Variants in CELF2 observed in about 807,000 individuals in gnomAD.
The protein encoded by CELF2 is CUG triplet repeat RNA-binding protein 2.
A neutral mutation model predicts 62.6 loss-of-function variants in CELF2; 8 were observed. That is an observed-to-expected ratio of 0.13 (90% confidence interval 0.07 to 0.23). CELF2 has a LOEUF of 0.23. Ranked by LOEUF, CELF2 falls within the 10% of genes least tolerant of loss-of-function variation. The probability of loss-of-function intolerance (pLI) is 1.00; values close to 1 mark genes in which losing one functional copy is unlikely to be tolerated. For synonymous variants in CELF2, 258 were observed against 250.0 expected (o/e 1.03, Z -0.30); for missense variants, 333 against 671.0 (o/e 0.50, Z 5.56).
intron 1 of CELF2, chr10:11,105,637 T>C (rs969009149): frequency 1.3e-5 from 2 of 152,256 alleles, no homozygotes; most frequent in African/African-American, 4.8e-5. Flanking sequence ...TAATTCCTTC[T>C]CTGATTCCCC....
chr10:10,480,693 G>A, the CELF2 span, among the ~76,000 whole-genome samples: 2 of 152,110 alleles, frequency 1.3e-5, no homozygotes, highest in African/African-American at 4.8e-5. Flanking sequence ...ATTTGAAGAT[G>A]GGTATGTAAC....
chr10:11,313,216 C>A (rs1368563576), intron 9 of CELF2, among the ~76,000 whole-genome samples: 3 of 152,212 alleles, frequency 2.0e-5, no homozygotes, highest in Admixed American at 6.5e-5. Context: ...AGGTTTATTT[C>A]ACCAGAAGAT....
At chr10:11,234,766 C>T (rs1317384154) in intron 3 of CELF2, among the ~76,000 whole-genome samples, 7 of 151,736 alleles carry the variant, frequency 4.6e-5, no homozygotes, top group Non-Finnish European at 1.0e-4. Context: ...ATCCCCTCAT[C>T]CCCATCGCAA....
chr10:10,466,064 G>C, the CELF2 span, among the ~76,000 whole-genome samples: 1 of 152,002 alleles, frequency 6.6e-6, no homozygotes. Flanking sequence ...CTGAAACAAC[G>C]TTGCATAATC....
the CELF2 span, among the ~76,000 whole-genome samples, chr10:10,646,093 C>A: frequency 5.9e-5 from 9 of 152,182 alleles, no homozygotes; most frequent in African/African-American, 2.2e-4. Flanking sequence ...CTAATATGGG[C>A]AGATATTAGG....
chr10:11,222,777 T>A (rs2065257066), intron 3 of CELF2, among the ~76,000 whole-genome samples: 1 of 152,232 alleles, frequency 6.6e-6, no homozygotes, highest in African/African-American at 2.4e-5. Context: ...GCCTACAGTT[T>A]TATTTTCTAA....
At chr10:10,466,382 A>G in the CELF2 span, among the ~76,000 whole-genome samples, 1 of 152,136 alleles carries the variant, frequency 6.6e-6, no homozygotes, top group Non-Finnish European at 1.5e-5. Context: ...TGTTGCATAC[A>G]TCAGTAGATT....
intron 1 of CELF2, chr10:11,102,299 C>G (rs772997159): frequency 5.3e-5 from 8 of 152,168 alleles, no homozygotes; most frequent in Non-Finnish European, 1.0e-4. Flanking sequence ...TGTGCTAATT[C>G]TAAAGTAATC....
the CELF2 span, among the ~76,000 whole-genome samples, chr10:10,676,511 C>A: frequency 6.6e-6 from 1 of 152,200 alleles, no homozygotes; most frequent in African/African-American, 2.4e-5. Flanking sequence ...AGAGATTTTT[C>A]TCTTACATTC....
the CELF2 span, among the ~76,000 whole-genome samples, chr10:10,564,620 C>T: frequency 2.0e-5 from 3 of 149,060 alleles, no homozygotes; most frequent in Non-Finnish European, 3.0e-5. Context: ...CTTCTAAGAC[C>T]GGTATGTCTT....
the CELF2 span, among the ~76,000 whole-genome samples, chr10:10,597,985 T>C: frequency 6.6e-6 from 1 of 152,228 alleles, no homozygotes; most frequent in Non-Finnish European, 1.5e-5. Context: ...CTAAGGACAC[T>C]ACCTCTTTGT....
the CELF2 span, among the ~76,000 whole-genome samples, chr10:10,483,658 A>T: frequency 6.6e-6 from 1 of 152,134 alleles, no homozygotes; most frequent in Admixed American, 6.5e-5. Context: ...CAGCAGTCAG[A>T]TCTCTCTATG....
At chr10:11,282,345 G>A (rs2089235397) in intron 8 of CELF2, among the ~76,000 whole-genome samples, 1 of 152,206 alleles carries the variant, frequency 6.6e-6, no homozygotes, top group Non-Finnish European at 1.5e-5. Flanking sequence ...CAGGGAAGGG[G>A]CGGGGCTCTC....
intron 1 of CELF2, among the ~76,000 whole-genome samples, chr10:11,094,536 A>G (rs922838049): frequency 1.3e-5 from 2 of 152,246 alleles, no homozygotes; most frequent in African/African-American, 4.8e-5. Context: ...GTGGTCGACA[A>G]TAAGGCTTCC....
intron 1 of CELF2, among the ~76,000 whole-genome samples, chr10:11,141,315 A>G (rs2132247890): frequency 6.6e-6 from 1 of 152,328 alleles, no homozygotes; most frequent in Non-Finnish European, 1.5e-5. Flanking sequence ...AGTCCCCACG[A>G]TGGAGGACAT....
intron 1 of CELF2, among the ~76,000 whole-genome samples, chr10:11,018,532 AGCGGGGCGCGGCGTCCCGGGGTCCGG>A (rs2137875173): frequency 7.1e-6 from 1 of 141,496 alleles, no homozygotes; most frequent in African/African-American, 2.7e-5. Flanking sequence ...GAGCAGGGTG[AGCGGGGCGCGGCGTCCCGGGGTCCGG>A]GCGGGGTCCA....
intron 1 of CELF2, among the ~76,000 whole-genome samples, chr10:11,047,792 G>A (rs1448672030): frequency 6.6e-6 from 1 of 152,070 alleles, no homozygotes; most frequent in Non-Finnish European, 1.5e-5. Flanking sequence ...CTGGGATATA[G>A]ACATTTTCAT....
chr10:10,906,446 C>T (rs1487384156), intron 1 of CELF2, among the ~76,000 whole-genome samples: 1 of 152,164 alleles, frequency 6.6e-6, no homozygotes, highest in African/African-American at 2.4e-5. Context: ...CTCATGGAAT[C>T]TACAGTCTAG....
At chr10:10,896,590 C>T (rs1482076428) in intron 1 of CELF2, among the ~76,000 whole-genome samples, 2 of 151,906 alleles carry the variant, frequency 1.3e-5, no homozygotes, top group Admixed American at 1.3e-4. Context: ...GCACAGACAA[C>T]ACACAGAAAA....
Sources: gnomAD v4.1 joint callset for allele counts (sites outside exome capture counted in the v4.1 genomes callset) on GRCh38, gnomAD v4.1.1 for gene constraint, MANE v1.5 for transcripts, NCBI Gene and HGNC (gene_info 2026-07-23, HGNC 2026-07-21) for gene names.